NCAM2: variants seen among roughly 807,000 people sequenced by gnomAD.
The protein encoded by NCAM2 is N-CAM-2.
A neutral mutation model predicts 98.1 loss-of-function variants in NCAM2; 30 were observed. The ratio of observed to expected loss-of-function variants is 0.31; its 90% CI spans 0.23 to 0.41. NCAM2 has a LOEUF of 0.41. Among genes scored for constraint, NCAM2 ranks in the 10% least tolerant of loss-of-function variants. NCAM2 has a pLI of 1.00. For synonymous variants in NCAM2, 368 were observed against 342.4 expected, an observed-to-expected ratio of 1.07 and a Z score of -0.83; for missense variants, 867 against 1,005.8, an observed-to-expected ratio of 0.86 and a Z score of 1.87.
chr21:21,127,512 G>C (rs554503913), intron 1 of NCAM2, among the ~76,000 whole-genome samples: 1 of 152,000 alleles, frequency 6.6e-6, no homozygotes, highest in Non-Finnish European at 1.5e-5. Context: ...TAATTTCTCT[G>C]TAACTATAGT....
intron 1 of NCAM2, among the ~76,000 whole-genome samples, chr21:21,025,084 C>G (rs953626489): frequency 6.6e-6 from 1 of 151,778 alleles, no homozygotes; most frequent in Non-Finnish European, 1.5e-5. Context: ...AAATTAAGGA[C>G]TATAACTTTT....
At chr21:21,148,468 G>A (rs117840385) in intron 1 of NCAM2, among the ~76,000 whole-genome samples, 1 of 152,140 alleles carries the variant, frequency 6.6e-6, no homozygotes, top group Admixed American at 6.6e-5. Flanking sequence ...AAATTTATTT[G>A]TCCTTGTAGG....
chr21:21,502,725 T>C (rs1014976889), intron 15 of NCAM2, among the ~76,000 whole-genome samples: 3 of 151,976 alleles, frequency 2.0e-5, no homozygotes, highest in Non-Finnish European at 2.9e-5. Context: ...AGTTATTTAA[T>C]GTCTTCTCTT....
intron 5 of NCAM2, among the ~76,000 whole-genome samples, chr21:21,300,447 A>G (rs142013767): frequency 2.1e-3 from 324 of 152,184 alleles, no homozygotes; most frequent in African/African-American, 7.0e-3. Context: ...ATAAATTCCA[A>G]TGTCCTTACC....
At chr21:21,504,326 G>A (rs971869748) in intron 15 of NCAM2, among the ~76,000 whole-genome samples, 1 of 151,676 alleles carries the variant, frequency 6.6e-6, no homozygotes, top group Non-Finnish European at 1.5e-5. Flanking sequence ...ACCTTATAAA[G>A]TTACCATAAA....
At chr21:21,463,061 C>G (rs1353348856) in intron 12 of NCAM2, among the ~76,000 whole-genome samples, 1 of 152,046 alleles carries the variant, frequency 6.6e-6, no homozygotes, top group Admixed American at 6.6e-5. Flanking sequence ...GAAAGAAAGT[C>G]TCACATTAAC....
chr21:21,046,289 C>G (rs2065006656), intron 1 of NCAM2, among the ~76,000 whole-genome samples: 1 of 152,098 alleles, frequency 6.6e-6, no homozygotes, highest in South Asian at 2.1e-4. Flanking sequence ...CAGTGTCATG[C>G]AAATGGCAGG....
intron 1 of NCAM2, among the ~76,000 whole-genome samples, chr21:21,027,948 C>T (rs2064589016): frequency 6.6e-6 from 1 of 151,948 alleles, no homozygotes; most frequent in Admixed American, 6.6e-5. Context: ...CCTCCGCCTC[C>T]TGGGTTCAAG....
chr21:21,418,339 G>T (rs936836762), intron 10 of NCAM2, 134 bp from the exon 11 acceptor site: 33 of 643,832 alleles, frequency 5.1e-5, no homozygotes, highest in African/African-American at 4.6e-4. Context: ...ACTTAATAAA[G>T]AAAATTAAAA....
intron 1 of NCAM2, among the ~76,000 whole-genome samples, chr21:21,115,121 A>G (rs1489412844): frequency 1.3e-5 from 2 of 152,182 alleles, no homozygotes; most frequent in South Asian, 2.1e-4. Flanking sequence ...GCACCCGGCC[A>G]TATTAATTTC....
At chr21:21,353,965 CTA>C (rs1324074348) in intron 8 of NCAM2, among the ~76,000 whole-genome samples, 3 of 151,954 alleles carry the variant, frequency 2.0e-5, no homozygotes, top group African/African-American at 7.3e-5. Context: ...TCTAAAAATG[CTA>C]TGTTACTTGT....
chr21:21,024,729 G>T (rs1268656316), intron 1 of NCAM2, among the ~76,000 whole-genome samples: 3 of 151,532 alleles, frequency 2.0e-5, no homozygotes, highest in Non-Finnish European at 2.9e-5. Context: ...TACAGAAAAA[G>T]AAAAAAAATT....
At chr21:21,414,635 A>T (rs2076952781) in intron 10 of NCAM2, among the ~76,000 whole-genome samples, 1 of 151,626 alleles carries the variant, frequency 6.6e-6, no homozygotes, top group Non-Finnish European at 1.5e-5. Flanking sequence ...ACGCCCGGCT[A>T]TTTTTTTGTA....
chr21:21,506,937 T>A (rs1437974018), intron 15 of NCAM2, among the ~76,000 whole-genome samples: 1 of 152,092 alleles, frequency 6.6e-6, no homozygotes, highest in Non-Finnish European at 1.5e-5. Context: ...ACTAAGTAAT[T>A]CTCATTTGCC....
At chr21:21,317,872 C>A (rs984896432) in intron 5 of NCAM2, among the ~76,000 whole-genome samples, 2 of 152,190 alleles carry the variant, frequency 1.3e-5, no homozygotes, top group East Asian at 1.9e-4. Context: ...GTATTCTAGT[C>A]CATTTTGTAC....
intron 10 of NCAM2, among the ~76,000 whole-genome samples, chr21:21,417,596 A>G (rs2077019788): frequency 6.6e-6 from 1 of 152,076 alleles, no homozygotes; most frequent in South Asian, 2.1e-4. Context: ...AATTATATCT[A>G]TTACTATCAT....
intron 10 of NCAM2, among the ~76,000 whole-genome samples, chr21:21,410,880 G>A (rs186901520): frequency 6.7e-6 from 1 of 149,034 alleles, no homozygotes; most frequent in African/African-American, 2.5e-5. Flanking sequence ...GGTGGTGTGT[G>A]CCTATAGCCC....
chr21:21,475,712 G>T (rs1985080607), intron 14 of NCAM2, among the ~76,000 whole-genome samples: 1 of 152,078 alleles, frequency 6.6e-6, no homozygotes, highest in Non-Finnish European at 1.5e-5. Flanking sequence ...AAAAATCAAG[G>T]CAAGTGCCTC....
At chr21:21,121,325 A>G (rs1296060893) in intron 1 of NCAM2, among the ~76,000 whole-genome samples, 2 of 152,170 alleles carry the variant, frequency 1.3e-5, no homozygotes, top group Admixed American at 1.3e-4. Flanking sequence ...TTCAAAATGT[A>G]TTTAATAAGA....
Sources: allele counts gnomAD v4.1 joint callset (sites outside exome capture counted in the v4.1 genomes callset), GRCh38; gene constraint gnomAD v4.1.1; transcripts MANE v1.5; gene names NCBI Gene and HGNC (gene_info 2026-07-23, HGNC 2026-07-21).